Variants in NFIA observed in about 807,000 individuals in gnomAD.
The protein encoded by NFIA is nuclear factor 1 A-type.
NFIA carries 8 observed loss-of-function variants against 62.8 expected under a neutral mutation model. That is an observed-to-expected ratio of 0.13 (90% CI 0.07 to 0.23). The LOEUF is 0.23. Among genes scored for constraint, NFIA ranks in the 10% least tolerant of loss-of-function variants. The pLI is 1.00. For missense variants in NFIA, 410 were observed against 642.1 expected (o/e 0.64, Z 3.91); for synonymous variants, 235 against 238.1 (o/e 0.99, Z 0.12).
At chr1:61,311,247 C>T (rs1343347343) in intron 3 of NFIA, among the ~76,000 whole-genome samples, 4 of 151,970 alleles carry the variant, frequency 2.6e-5, no homozygotes, top group African/African-American at 9.7e-5. Flanking sequence ...CAAAATTATC[C>T]GGGTTTGGTG....
At chr1:61,341,253 C>T (rs1041639350) in intron 4 of NFIA, among the ~76,000 whole-genome samples, 2 of 151,620 alleles carry the variant, frequency 1.3e-5, no homozygotes, top group Non-Finnish European at 2.9e-5. Context: ...TTAGTAGAGA[C>T]GGGGTTTCAC....
At chr1:61,213,969 G>A (rs898735710) in intron 2 of NFIA, among the ~76,000 whole-genome samples, 1 of 152,170 alleles carries the variant, frequency 6.6e-6, no homozygotes, top group African/African-American at 2.4e-5. Context: ...AGGAAGGTGG[G>A]ATACAAATTA....
intron 2 of NFIA, among the ~76,000 whole-genome samples, chr1:61,221,845 C>G (rs1334392402): frequency 6.6e-6 from 1 of 151,966 alleles, no homozygotes. Flanking sequence ...AAGAAAGGAG[C>G]CTTTCATAGC....
chr1:61,448,094 C>T (rs1183220889), intron 10 of NFIA, among the ~76,000 whole-genome samples: 5 of 151,968 alleles, frequency 3.3e-5, no homozygotes, highest in African/African-American at 4.8e-5. Flanking sequence ...GTATGCCATT[C>T]GCTAACAAAA....
At position 61,184,352 on chromosome 1, in the gene NFIA, G is replaced by A. The variant is rs17121790; in HGVS notation, c.560-93168G>A. ...GCCACGTGACATGCCACGAGGGCACGCACAGCCATTTCCTTGTTTCTAAAA... is the reference window on the plus strand; with the variant it reads ...GCCACGTGACATGCCACGAGGGCACACACAGCCATTTCCTTGTTTCTAAAA... On this transcript the variant is annotated intron_variant, in intron 2 of 10. Coordinates refer to ENST00000403491, the MANE Select transcript of NFIA (RefSeq NM_001134673.4). 9.2e-3 allele frequency among the ~76,000 whole-genome samples: 1,394 copies of A among 152,290 alleles called. 13 individuals are homozygous for A. The highest frequency in any genetic ancestry group is 0.032 in the African/African-American group (1,348 of 41,554).
At chr1:61,185,512 C>CTCT (rs1651106294) in intron 2 of NFIA, among the ~76,000 whole-genome samples, 2 of 152,138 alleles carry the variant, frequency 1.3e-5, no homozygotes, top group East Asian at 3.9e-4. Context: ...GTTTATATCA[C>CTCT]TCTTCTGCGT....
intron 5 of NFIA, among the ~76,000 whole-genome samples, chr1:61,358,829 T>TA (rs754021007): frequency 9.8e-5 from 7 of 71,346 alleles, no homozygotes; most frequent in Non-Finnish European, 2.1e-4. Flanking sequence ...TATGTGGCCT[T>TA]ACTCCCAACA....
chr1:61,416,706 TC>T (rs1431955066), intron 9 of NFIA, among the ~76,000 whole-genome samples: 1 of 152,168 alleles, frequency 6.6e-6, no homozygotes, highest in African/African-American at 2.4e-5. Flanking sequence ...ATAGGTATTT[TC>T]ATATGCATTA....
chr1:61,421,052 AGTCCACTGGAACCT>A (rs1279337954), intron 9 of NFIA, among the ~76,000 whole-genome samples: 2 of 152,076 alleles, frequency 1.3e-5, no homozygotes, highest in Non-Finnish European at 2.9e-5. Flanking sequence ...TGGTGGCCTC[AGTCCACTGGAACCT>A]GTCAACCAAC....
chr1:61,191,202 T>C (rs991993242), intron 2 of NFIA, among the ~76,000 whole-genome samples: 1 of 152,130 alleles, frequency 6.6e-6, no homozygotes, highest in Non-Finnish European at 1.5e-5. Context: ...GCGATTTTTT[T>C]CCCCCTTGAG....
At chr1:61,242,299 T>C (rs1031850834) in intron 2 of NFIA, among the ~76,000 whole-genome samples, 1 of 152,094 alleles carries the variant, frequency 6.6e-6, no homozygotes, top group African/African-American at 2.4e-5. Flanking sequence ...AATTCTTGGA[T>C]AGGTGGAGCA....
In NFIA at chr1:61,383,295, C is replaced by G. The variant is rs975330557; in HGVS notation, c.1005C>G (p.Ser335=). 7 of 1,614,062 alleles carry G rather than the reference C, an allele frequency of 4.3e-6. No homozygotes were observed. The highest frequency in any genetic ancestry group is 1.1e-5 in the South Asian group (1 of 91,082). The change falls in exon 7 of 11, where the codon TCC becomes TCG. Residue 335 remains serine, a synonymous_variant. Coordinates refer to ENST00000403491, the MANE Select transcript of NFIA (RefSeq NM_001134673.4). ...AGAAGTCTGGTTTCAGCAGCCCCTCCCCTTCACAGACCTCCTCCCTGGGAA... is the reference window on the plus strand; with the variant it reads ...AGAAGTCTGGTTTCAGCAGCCCCTCGCCTTCACAGACCTCCTCCCTGGGAA... ...KSEKSGFSSP[S]PSQTSSLGTA...
intron 2 of NFIA, among the ~76,000 whole-genome samples, chr1:61,218,552 C>G (rs1237746095): frequency 6.6e-6 from 1 of 152,050 alleles, no homozygotes; most frequent in East Asian, 1.9e-4. Context: ...AACATACATT[C>G]TAGGAAAAAG....
chr1:61,175,359 C>T (rs1650268148), intron 2 of NFIA, among the ~76,000 whole-genome samples: 1 of 152,124 alleles, frequency 6.6e-6, no homozygotes, highest in South Asian at 2.1e-4. Context: ...CCAGGCTGAG[C>T]TCAAACTCCT....
At chr1:61,142,193 A>C (rs968060166) in intron 2 of NFIA, among the ~76,000 whole-genome samples, 1 of 152,234 alleles carries the variant, frequency 6.6e-6, no homozygotes, top group Admixed American at 6.5e-5. Flanking sequence ...TGAAGTGCTC[A>C]ATCCATATCT....
intron 6 of NFIA, among the ~76,000 whole-genome samples, chr1:61,375,515 T>C (rs1664105535): frequency 6.6e-6 from 1 of 152,186 alleles, no homozygotes; most frequent in Admixed American, 6.5e-5. Flanking sequence ...TTTGTATTGA[T>C]AAGATACATA....
intron 1 of NFIA, among the ~76,000 whole-genome samples, chr1:61,087,541 G>A (rs945910740): frequency 6.6e-6 from 1 of 152,058 alleles, no homozygotes; most frequent in Admixed American, 6.6e-5. Flanking sequence ...AAAATTATAT[G>A]TAGTTATAAT....
intron 2 of NFIA, among the ~76,000 whole-genome samples, chr1:61,197,166 C>T (rs1166526040): frequency 6.6e-6 from 1 of 150,794 alleles, no homozygotes; most frequent in African/African-American, 2.4e-5. Context: ...TATGTAATGG[C>T]TAGAAACTCA....
In NFIA at chr1:61,251,687, G is replaced by A. The variant is rs1425877875; in HGVS notation, c.560-25833G>A. On this transcript the variant is annotated intron_variant, in intron 2 of 10. Coordinates refer to ENST00000403491, the MANE Select transcript of NFIA (RefSeq NM_001134673.4). ...GAAAAATTATGACTGTTATGTGATT[G>A]TTTTCAGTTGTCAGACTACGTGATG... Among the ~76,000 whole-genome samples the A allele has an allele frequency of 7.9e-5, 12 of 152,128 alleles. No homozygotes were observed. In the East Asian group the frequency reaches 2.3e-3, roughly 29 times the overall value.
Sources: gnomAD v4.1 joint callset for allele counts (sites outside exome capture counted in the v4.1 genomes callset) on GRCh38, gnomAD v4.1.1 for gene constraint, MANE v1.5 for transcripts, NCBI Gene and HGNC (gene_info 2026-07-23, HGNC 2026-07-21) for gene names.